The following FANCD2 variants were observed in gnomAD, a reference collection of about 807,000 sequenced individuals.
The protein encoded by FANCD2 is FA complementation group D2, also known as Fanconi anemia group D2 protein.
In FANCD2, 131 loss-of-function variants were observed where a neutral mutation model predicts 192.3. That is an observed-to-expected ratio of 0.68 (90% CI 0.59 to 0.79). FANCD2 has a LOEUF of 0.79. Ranked by LOEUF, FANCD2 falls within the 30% of genes least tolerant of loss-of-function variation. The pLI, the probability that FANCD2 is intolerant of heterozygous loss-of-function variation, is 0.00. For missense variants in FANCD2, 1,508 were observed against 1,701.6 expected, an observed-to-expected ratio of 0.89 and a Z score of 2.00; for synonymous variants, 524 against 612.5, an observed-to-expected ratio of 0.86 and a Z score of 2.13.
At chr3:10,070,423 A>C (rs1427425199) in intron 26 of FANCD2, among the ~76,000 whole-genome samples, 2 of 104,360 alleles carry the variant, frequency 1.9e-5, no homozygotes, top group African/African-American at 7.2e-5. Context: ...CCGGGAGGTG[A>C]GGGGCGCCTC....
At chr3:10,034,106 G>A (rs1428771178) in intron 3 of FANCD2, among the ~76,000 whole-genome samples, 7 of 150,290 alleles carry the variant, frequency 4.7e-5, no homozygotes, top group Admixed American at 1.3e-4. Flanking sequence ...GGTGGATCAC[G>A]AGGTCAGGAA....
chr3:10,054,388 TGTATATACGTATATGTATATAC>T (rs1559383139), intron 18 of FANCD2, among the ~76,000 whole-genome samples: 1 of 117,568 alleles, frequency 8.5e-6, no homozygotes, highest in African/African-American at 3.9e-5. Flanking sequence ...CATATATATA[TGTATATACGTATATGTATATAC>T]GTATATACAT....
intron 6 of FANCD2, among the ~76,000 whole-genome samples, chr3:10,035,984 T>TA (rs1219420658): frequency 2.0e-5 from 3 of 152,086 alleles, no homozygotes; most frequent in Admixed American, 1.3e-4. Context: ...TAGCATATTC[T>TA]AAAAATGAAG....
At chr3:10,046,417 T>C in intron 14 of FANCD2, 163 bp from the exon 15 acceptor site, 1 of 1,191,946 alleles carries the variant, frequency 8.4e-7, no homozygotes, top group South Asian at 1.5e-5. Flanking sequence ...CTGAAAAATA[T>C]TTCTGAGTTT....
intron 43 of FANCD2, among the ~76,000 whole-genome samples, chr3:10,100,303 G>C (rs1459791876): frequency 6.6e-6 from 1 of 152,238 alleles, no homozygotes; most frequent in Non-Finnish European, 1.5e-5. Context: ...CCCCTAAGCA[G>C]ATCTCTCATA....
At chr3:10,094,438 G>A (rs1694832280) in intron 40 of FANCD2, 75 bp downstream of exon 40, 1 of 1,272,086 alleles carries the variant, frequency 7.9e-7, no homozygotes, top group Admixed American at 1.7e-5. Context: ...TGACTCCTGG[G>A]TGGGGCTGGG....
At chr3:10,064,903 TGTTA>T in intron 23 of FANCD2, 28 bp downstream of exon 23, 1 of 1,612,190 alleles carries the variant, frequency 6.2e-7, no homozygotes, top group Non-Finnish European at 8.5e-7. Flanking sequence ...TTTCTAAACC[TGTTA>T]GTGTTTTGAA....
chr3:10,069,607 G>T (rs1318319159), intron 26 of FANCD2, among the ~76,000 whole-genome samples: 1 of 151,678 alleles, frequency 6.6e-6, no homozygotes, highest in East Asian at 1.9e-4. Context: ...GATTGCAGGC[G>T]CGCGCCGCCA....
rs1421016840 is a variant in FANCD2 at position 10,041,720 on chromosome 3, A to T, written c.783+10A>T. 1 of 1,607,942 alleles carries T rather than the reference A, an allele frequency of 6.2e-7. No homozygotes were observed. On this transcript the variant is annotated intron_variant, in intron 10 of 43. Coordinates refer to ENST00000675286, the MANE Select transcript of FANCD2 (RefSeq NM_001018115.3). The stretch of plus-strand genomic sequence containing the variant: ...AAACTTCCTATTGAAGGTAGAAAAG[A>T]CTCAGCTTTCCAGAAACAGAGCCAG...
intron 26 of FANCD2, 104 bp from the exon 27 acceptor site, chr3:10,072,767 G>A (rs893049495): frequency 1.3e-6 from 1 of 743,760 alleles, no homozygotes; most frequent in Admixed American, 1.9e-5. Flanking sequence ...GCCATGCTTG[G>A]TAATTTTGGA....
chr3:10,027,546 A>G (rs1452143252), intron 1 of FANCD2, among the ~76,000 whole-genome samples: 1 of 151,320 alleles, frequency 6.6e-6, no homozygotes, highest in Non-Finnish European at 1.5e-5. Context: ...ATTTGCCTGG[A>G]CTCCTCTTCT....
intron 14 of FANCD2, among the ~76,000 whole-genome samples, chr3:10,046,249 T>C (rs528451743): frequency 3.3e-5 from 5 of 151,984 alleles, no homozygotes; most frequent in Admixed American, 3.3e-4. Context: ...GAGACGGGGT[T>C]TCACCGTGTT....
At chr3:10,098,153 G>T (rs915112933) in intron 42 of FANCD2, among the ~76,000 whole-genome samples, 2 of 152,126 alleles carry the variant, frequency 1.3e-5, no homozygotes, top group Non-Finnish European at 2.9e-5. Flanking sequence ...GCACCACAGA[G>T]AATTAGCTTC....
At chr3:10,092,380 T>G (rs1010645926) in intron 38 of FANCD2, 128 bp downstream of exon 38, 37 of 794,868 alleles carry the variant, frequency 4.7e-5, no homozygotes, top group Admixed American at 2.9e-4. Flanking sequence ...CTGAGTCGTC[T>G]TCTTCCTTTG....
At chr3:10,087,094 G>A (rs1179433728) in intron 33 of FANCD2, 40 bp from the exon 34 acceptor site, 5 of 1,611,114 alleles carry the variant, frequency 3.1e-6, no homozygotes, top group East Asian at 2.2e-5. Context: ...TGACACATAG[G>A]ATACTATTGC....
intron 29 of FANCD2, among the ~76,000 whole-genome samples, chr3:10,076,913 G>C (rs1389627960): frequency 6.6e-6 from 1 of 152,052 alleles, no homozygotes; most frequent in Non-Finnish European, 1.5e-5. Flanking sequence ...CACCACATCA[G>C]CTAATTTTTG....
intron 2 of FANCD2, chr3:10,032,442 A>G (rs1277169954): frequency 3.8e-6 from 1 of 263,210 alleles, no homozygotes; most frequent in Non-Finnish European, 6.9e-6. Context: ...CTCCTCACCT[A>G]ACTAGTTTGT....
chr3:10,029,886 C>T (rs565586202), intron 2 of FANCD2, among the ~76,000 whole-genome samples: 11 of 152,050 alleles, frequency 7.2e-5, no homozygotes, highest in African/African-American at 2.4e-4. Flanking sequence ...CAGGTTCAAG[C>T]GATTTTCCAG....
chr3:10,075,028 C>T lies in FANCD2; in HGVS notation c.2859+355C>T, dbSNP rs115405316. ...ACTTTTTCACAACATTTGTTCAGCA[C>T]CTGACAGTTGCTTACTGAGTCCTAT... On this transcript the variant is annotated intron_variant, in intron 29 of 43. Coordinates refer to ENST00000675286, the MANE Select transcript of FANCD2 (RefSeq NM_001018115.3). 8.3e-3 allele frequency among the ~76,000 whole-genome samples: 1,263 copies of T among 152,232 alleles called. 21 individuals carry two copies. The highest frequency in any genetic ancestry group is 0.029 in the African/African-American group (1,185 of 41,524).
Sources: allele counts gnomAD v4.1 joint callset (sites outside exome capture counted in the v4.1 genomes callset), GRCh38; gene constraint gnomAD v4.1.1; transcripts MANE v1.5; gene names NCBI Gene and HGNC (gene_info 2026-07-23, HGNC 2026-07-21).